The following PAPPA variants were observed in gnomAD, a reference collection of about 807,000 sequenced individuals.
PAPPA encodes pappalysin-1.
PAPPA carries 60 observed loss-of-function variants against 164.0 expected under a neutral mutation model. The observed-to-expected ratio is 0.37, with a 90% confidence interval of 0.30 to 0.45. The LOEUF is 0.45. Among genes scored for constraint, PAPPA ranks in the 20% least tolerant of loss-of-function variants. The pLI is 1.00. For synonymous variants in PAPPA, 875 were observed against 814.1 expected, an observed-to-expected ratio of 1.07 and a Z score of -1.27; for missense variants, 1,782 against 2,087.3, an observed-to-expected ratio of 0.85 and a Z score of 2.85.
At chr9:116,383,461 G>A (rs1414683105) in intron 21 of PAPPA, among the ~76,000 whole-genome samples, 2 of 152,220 alleles carry the variant, frequency 1.3e-5, no homozygotes, top group South Asian at 2.1e-4. Flanking sequence ...TGGCCCAAAC[G>A]CTTCATTTTA....
intron 1 of PAPPA, among the ~76,000 whole-genome samples, chr9:116,162,698 C>T (rs78340316): frequency 2.0e-5 from 3 of 152,154 alleles, no homozygotes; most frequent in African/African-American, 7.2e-5. Context: ...GTAATGGAAT[C>T]TAGACCATGC....
Position 116,331,311 on chromosome 9 carries a change from T to C in PAPPA, c.3215T>C (p.Ile1072Thr), listed in dbSNP as rs769654036. The C allele has an allele frequency of 1.2e-6, 2 of 1,614,076 alleles. No homozygotes were observed. Among genetic ancestry groups the C allele is most frequent in the Admixed American group, 1.7e-5 (1 of 60,032 alleles). The change falls in exon 11 of 22, where the codon ATC becomes ACC. Residue 1072 changes from isoleucine (I) to threonine (T), a missense_variant. Ile to Thr is a moderately conservative substitution (Grantham distance 89, BLOSUM62 -1). Around this residue, in one of 2 missense-constraint regions of PAPPA, gnomAD observed 1,324 missense variants for 1,656.9 expected, o/e 0.80. Transcript: ENST00000328252. ...ISQHAWYPCT[I>T]SYPYSQLAQT... ...CAGCATGCCTGGTACCCTTGCACCA[T>C]CAGCTACCCATATTCCCAGCTGGCT...
At chr9:116,230,187 T>C (rs935180317) in intron 6 of PAPPA, among the ~76,000 whole-genome samples, 12 of 152,208 alleles carry the variant, frequency 7.9e-5, no homozygotes, top group African/African-American at 2.9e-4. Context: ...ACTGTTCTTT[T>C]TTTAGAGCAT....
At chr9:116,330,331 T>A (rs1202478801) in intron 10 of PAPPA, among the ~76,000 whole-genome samples, 2 of 152,218 alleles carry the variant, frequency 1.3e-5, no homozygotes, top group African/African-American at 2.4e-5. Context: ...TATTTATATA[T>A]ACATTTGTAA....
intron 21 of PAPPA, among the ~76,000 whole-genome samples, chr9:116,395,681 G>A (rs761268127): frequency 5.9e-5 from 9 of 152,304 alleles, no homozygotes; most frequent in South Asian, 2.1e-4. Flanking sequence ...ATGAAGGAAC[G>A]AACTGGCAAC....
At chr9:116,324,365 T>C (rs1294449582) in intron 10 of PAPPA, among the ~76,000 whole-genome samples, 3 of 152,204 alleles carry the variant, frequency 2.0e-5, no homozygotes, top group Non-Finnish European at 4.4e-5. Context: ...ATTTAGTACA[T>C]ACAGAGTCCT....
intron 1 of PAPPA, among the ~76,000 whole-genome samples, chr9:116,156,336 A>ATATATATATGTGTG (rs1843604068): frequency 2.6e-5 from 2 of 75,712 alleles, no homozygotes; most frequent in African/African-American, 7.2e-5. Flanking sequence ...ATATATGTGT[A>ATATATATATGTGTG]TATATATATA....
intron 5 of PAPPA, among the ~76,000 whole-genome samples, chr9:116,223,954 G>A (rs1189765559): frequency 1.3e-4 from 20 of 152,132 alleles, no homozygotes; most frequent in Admixed American, 1.3e-3. Flanking sequence ...GAAATGCCAA[G>A]CACACACACT....
rs1171693187 is a variant in PAPPA at position 116,398,352 on chromosome 9, A to G, written c.*1736A>G. The G allele has an allele frequency of 3.1e-6, 1 of 324,518 alleles. No individual in the cohort carries two copies. Among genetic ancestry groups the G allele is most frequent in the African/African-American group, 2.2e-5 (1 of 45,954 alleles). The allele number at this position is 324,518 out of a possible 1,614,324, so 20.1% of individuals were successfully genotyped here. On this transcript the variant is annotated 3_prime_UTR_variant, in exon 22 of 22. Transcript: ENST00000328252. ...CATAGGGATTACTGTAAATCAAGTC[A>G]TCTCAAGTCTAGTGAAGACAGCCAA...
At chr9:116,228,284 G>C (rs1844540982) in intron 6 of PAPPA, among the ~76,000 whole-genome samples, 1 of 152,112 alleles carries the variant, frequency 6.6e-6, no homozygotes, top group Non-Finnish European at 1.5e-5. Flanking sequence ...TTTCCTCTTA[G>C]TCTTTCATCT....
At chr9:116,320,761 G>A (rs766877939) in intron 10 of PAPPA, among the ~76,000 whole-genome samples, 1 of 152,112 alleles carries the variant, frequency 6.6e-6, no homozygotes, top group Admixed American at 6.6e-5. Context: ...ATGTGTGTGT[G>A]TGCCTGTGTG....
At chr9:116,275,896 C>G (rs1173477047) in intron 9 of PAPPA, among the ~76,000 whole-genome samples, 1 of 152,170 alleles carries the variant, frequency 6.6e-6, no homozygotes, top group African/African-American at 2.4e-5. Context: ...TTATGCAACA[C>G]CCTGGGGACT....
chr9:116,276,044 T>C (rs1370574528), intron 9 of PAPPA, among the ~76,000 whole-genome samples: 1 of 152,158 alleles, frequency 6.6e-6, no homozygotes, highest in East Asian at 1.9e-4. Context: ...TATCTTGTCT[T>C]TTTTTCCCCT....
At position 116,377,524 on chromosome 9, in the gene PAPPA, G is replaced by A. The variant is rs114862019; in HGVS notation, c.4606-52G>A. On this transcript the variant is annotated intron_variant, in intron 19 of 21. Coordinates refer to ENST00000328252, the MANE Select transcript of PAPPA (RefSeq NM_002581.5). ...TTAAATGTAATGCCAACACGGAGGT[G>A]GGTCCCTCCCAATCCCAAGCCCATC... 3,342 of 1,270,504 alleles carry A rather than the reference G, an allele frequency of 2.6e-3. 32 individuals are homozygous for A. The highest frequency in any genetic ancestry group is 0.018 in the African/African-American group (1,209 of 68,266). 78.7% of individuals were successfully genotyped at this position (1,270,504 alleles called of 1,614,324 possible).
intron 2 of PAPPA, among the ~76,000 whole-genome samples, chr9:116,191,670 G>A (rs1844044067): frequency 1.3e-5 from 2 of 152,152 alleles, no homozygotes; most frequent in Non-Finnish European, 2.9e-5. Context: ...ATTTGACTAG[G>A]AAAACAAGGC....
At chr9:116,238,973 C>T (rs944613067) in intron 7 of PAPPA, among the ~76,000 whole-genome samples, 3 of 152,122 alleles carry the variant, frequency 2.0e-5, no homozygotes, top group East Asian at 3.9e-4. Flanking sequence ...TAAATTGGCT[C>T]TTATACAAGT....
intron 10 of PAPPA, among the ~76,000 whole-genome samples, chr9:116,326,943 A>G (rs910961234): frequency 6.6e-6 from 1 of 152,226 alleles, no homozygotes; most frequent in Admixed American, 6.5e-5. Flanking sequence ...GTAATATTCC[A>G]TTGTGTGTAT....
chr9:116,230,877 T>TA (rs1844582670), intron 6 of PAPPA, among the ~76,000 whole-genome samples: 1 of 152,210 alleles, frequency 6.6e-6, no homozygotes, highest in Non-Finnish European at 1.5e-5. Context: ...TAAGATCACT[T>TA]ATGCAAGTAT....
At chr9:116,234,961 G>A (rs1844641920) in intron 6 of PAPPA, among the ~76,000 whole-genome samples, 178 bp from the exon 7 acceptor site, 1 of 152,126 alleles carries the variant, frequency 6.6e-6, no homozygotes, top group Admixed American at 6.5e-5. Context: ...TGCAGGGGTG[G>A]GGATGAGATG....
Sources: gnomAD v4.1 joint callset for allele counts (sites outside exome capture counted in the v4.1 genomes callset) on GRCh38, gnomAD v4.1.1 for gene constraint, gnomAD v4.1.1 regional missense constraint, MANE v1.5 for transcripts, NCBI Gene and HGNC (gene_info 2026-07-23, HGNC 2026-07-21) for gene names.